Variants in TAMM41 observed in about 807,000 individuals in gnomAD.
TAMM41 encodes the protein TAM41 mitochondrial translocator assembly and maintenance homolog.
TAMM41 carries 36 observed loss-of-function variants against 44.1 expected under a neutral mutation model. The ratio of observed to expected loss-of-function variants is 0.82; its 90% CI spans 0.63 to 1.08. TAMM41 has a LOEUF of 1.08. TAMM41 is among the 50% of genes least tolerant of loss of function. The pLI is 0.00. For synonymous variants in TAMM41, 164 were observed against 153.1 expected, an observed-to-expected ratio of 1.07 and a Z score of -0.53; for missense variants, 417 against 404.3, an observed-to-expected ratio of 1.03 and a Z score of -0.27.
At chr3:11,830,310 A>T (rs1272281634) in intron 3 of TAMM41, among the ~76,000 whole-genome samples, 1 of 152,166 alleles carries the variant, frequency 6.6e-6, no homozygotes, top group African/African-American at 2.4e-5. Flanking sequence ...TTCTAGATAC[A>T]TCGATTTTGA....
intron 7 of TAMM41, among the ~76,000 whole-genome samples, chr3:11,802,610 C>G (rs1025155531): frequency 5.3e-5 from 8 of 152,276 alleles, no homozygotes; most frequent in African/African-American, 1.9e-4. Flanking sequence ...CACAGCTGAA[C>G]TCTACCAAAC....
chr3:11,800,508 A>G (rs898862241), intron 7 of TAMM41, among the ~76,000 whole-genome samples: 2 of 151,326 alleles, frequency 1.3e-5, no homozygotes, highest in East Asian at 3.9e-4. Context: ...GGAGAACTAT[A>G]TATATGTCAA....
intron 7 of TAMM41, among the ~76,000 whole-genome samples, chr3:11,801,022 G>A (rs907906080): frequency 6.6e-6 from 1 of 150,792 alleles, no homozygotes; most frequent in Non-Finnish European, 1.5e-5. Flanking sequence ...ACCTTAGGAG[G>A]TCAAGGCTAC....
the TAMM41 span, among the ~76,000 whole-genome samples, chr3:11,767,371 G>T: frequency 1.3e-5 from 2 of 151,832 alleles, no homozygotes; most frequent in African/African-American, 4.8e-5. Context: ...GTCCAGCCAG[G>T]GTACTTATCT....
chr3:11,787,558 T>C (rs2077424593), downstream of TAMM41, among the ~76,000 whole-genome samples: 2 of 152,328 alleles, frequency 1.3e-5, no homozygotes, highest in South Asian at 2.1e-4. Flanking sequence ...TTGTTTCCAT[T>C]TTCTTGACTA....
the TAMM41 span, among the ~76,000 whole-genome samples, chr3:11,732,159 A>G: frequency 6.6e-6 from 1 of 151,938 alleles, no homozygotes. Flanking sequence ...GAGCCACCAC[A>G]CTTGGCCCAT....
At chr3:11,824,961 TG>T (rs2078683166) in intron 4 of TAMM41, among the ~76,000 whole-genome samples, 1 of 152,032 alleles carries the variant, frequency 6.6e-6, no homozygotes, top group Non-Finnish European at 1.5e-5. Flanking sequence ...TGAGGCCCAC[TG>T]GGGTGGGTGT....
chr3:11,727,098 A>G, the TAMM41 span, among the ~76,000 whole-genome samples: 1 of 152,230 alleles, frequency 6.6e-6, no homozygotes, highest in Admixed American at 6.5e-5. Flanking sequence ...AGTGCTTTAC[A>G]ACAAGTACCG....
At chr3:11,797,332 A>C (rs2077629890) in intron 7 of TAMM41, among the ~76,000 whole-genome samples, 1 of 152,188 alleles carries the variant, frequency 6.6e-6, no homozygotes, top group African/African-American at 2.4e-5. Flanking sequence ...GAGAACCCGG[A>C]AATAAGGCTG....
chr3:11,806,540 T>C lies in TAMM41; in HGVS notation c.937+1293A>G, dbSNP rs566738317. 2.0e-5 allele frequency among the ~76,000 whole-genome samples: 3 copies of C among 151,894 alleles called. No individual in the cohort carries two copies. In the South Asian group the frequency reaches 6.3e-4, roughly 32 times the overall value. The stretch of plus-strand genomic sequence containing the variant: ...TAAAGTTGAGAAATTCGAGAAAATC[T>C]TCCAAAGCAGAGCAAAAGAAAAACA... On this transcript the variant is annotated intron_variant, in intron 7 of 7. Coordinates refer to ENST00000455809, the MANE Select transcript of TAMM41 (RefSeq NM_001284401.2).
intron 5 of TAMM41, among the ~76,000 whole-genome samples, chr3:11,812,268 A>G (rs2078111467): frequency 6.6e-6 from 1 of 152,204 alleles, no homozygotes; most frequent in South Asian, 2.1e-4. Flanking sequence ...ACCATATCCC[A>G]GGACGAATGG....
downstream of TAMM41, among the ~76,000 whole-genome samples, chr3:11,785,545 T>G (rs2124902141): frequency 6.6e-6 from 1 of 152,256 alleles, no homozygotes. Context: ...AGGATGGTCT[T>G]GATCTCTTGA....
the TAMM41 span, among the ~76,000 whole-genome samples, chr3:11,770,403 T>A: frequency 2.0e-5 from 3 of 152,176 alleles, no homozygotes; most frequent in African/African-American, 7.2e-5. Context: ...CCCTTCCCCT[T>A]GCTGGGCAAA....
intron 4 of TAMM41, among the ~76,000 whole-genome samples, chr3:11,827,309 CT>C (rs11353823): frequency 0.56 from 78,884 of 141,790 alleles, 22,836 homozygotes; most frequent in East Asian, 0.77. Flanking sequence ...CTTTTCTTTT[CT>C]TTTTTTTTTT....
chr3:11,756,663 C>T, the TAMM41 span, among the ~76,000 whole-genome samples: 2 of 151,864 alleles, frequency 1.3e-5, no homozygotes, highest in Non-Finnish European at 2.9e-5. Flanking sequence ...GTAGGGAGTT[C>T]GAGACCAGCC....
At chr3:11,807,614 A>C in intron 7 of TAMM41, 1 of 1,536,226 alleles carries the variant, frequency 6.5e-7, no homozygotes, top group Non-Finnish European at 8.7e-7. Flanking sequence ...GAAGGGCAGT[A>C]AAGCTTCCAA....
At chr3:11,790,628 T>G (rs777366607) in intron 7 of TAMM41, 47 bp from the exon 8 acceptor site, 2 of 1,511,344 alleles carry the variant, frequency 1.3e-6, no homozygotes, top group South Asian at 1.1e-5. Context: ...GCTTGTTGAG[T>G]GGATGCTCAG....
the TAMM41 span, among the ~76,000 whole-genome samples, chr3:11,773,689 A>G: frequency 6.6e-6 from 1 of 152,358 alleles, no homozygotes; most frequent in South Asian, 2.1e-4. Context: ...TTAATTTATA[A>G]CAGTATGCAC....
the TAMM41 span, among the ~76,000 whole-genome samples, chr3:11,751,548 T>C: frequency 6.6e-6 from 1 of 152,102 alleles, no homozygotes; most frequent in South Asian, 2.1e-4. Context: ...AACCTCATGG[T>C]TGAGAATGAT....
Sources: gnomAD v4.1 joint callset for allele counts (sites outside exome capture counted in the v4.1 genomes callset) on GRCh38, gnomAD v4.1.1 for gene constraint, MANE v1.5 for transcripts, NCBI Gene and HGNC (gene_info 2026-07-23, HGNC 2026-07-21) for gene names.